ITIH5: variants seen among roughly 807,000 people sequenced by gnomAD.
ITIH5 encodes the protein inter-alpha-trypsin inhibitor heavy chain H5.
ITIH5 carries 65 observed loss-of-function variants against 77.5 expected under a neutral mutation model. That is an observed-to-expected ratio of 0.84 (90% CI 0.69 to 1.03). The LOEUF (loss-of-function observed/expected upper bound fraction) is 1.03. Ranked by LOEUF, ITIH5 falls within the 50% of genes least tolerant of loss-of-function variation. ITIH5 has a pLI of 0.00. For synonymous variants in ITIH5, 525 were observed against 494.3 expected (o/e 1.06, Z -0.82); for missense variants, 1,208 against 1,213.1 (o/e 1.00, Z 0.06).
intron 7 of ITIH5, among the ~76,000 whole-genome samples, chr10:7,612,110 G>C (rs1038592771): frequency 4.6e-5 from 7 of 152,070 alleles, no homozygotes; most frequent in Non-Finnish European, 1.0e-4. Context: ...CCAATTCTAA[G>C]AATCTAATTT....
intron 10 of ITIH5, 48 bp from the exon 11 acceptor site, chr10:7,573,243 T>G: frequency 1.3e-6 from 2 of 1,529,078 alleles, no homozygotes; most frequent in Non-Finnish European, 1.8e-6. Flanking sequence ...TTAAAGAAGA[T>G]GAAGAGAGAG....
chr10:7,625,621 C>T (rs916337470), intron 5 of ITIH5, among the ~76,000 whole-genome samples: 8 of 151,786 alleles, frequency 5.3e-5, no homozygotes, highest in African/African-American at 1.7e-4. Context: ...AAAAATTAGC[C>T]GGGCCTGGTG....
chr10:7,570,643 G>GACA (rs1430547128), intron 11 of ITIH5, among the ~76,000 whole-genome samples: 1 of 152,028 alleles, frequency 6.6e-6, no homozygotes, highest in East Asian at 1.9e-4. Context: ...TTATTTTTGA[G>GACA]ACAGGGTCCC....
intron 8 of ITIH5, among the ~76,000 whole-genome samples, chr10:7,583,402 G>A (rs544745672): frequency 1.8e-4 from 28 of 152,184 alleles, no homozygotes; most frequent in Middle Eastern, 3.4e-3. Context: ...GTGCGATCTC[G>A]GCTCACTACA....
chr10:7,623,895 T>A (rs1243847030), intron 5 of ITIH5, among the ~76,000 whole-genome samples: 1 of 152,050 alleles, frequency 6.6e-6, no homozygotes, highest in Non-Finnish European at 1.5e-5. Context: ...TACGTGAATG[T>A]TTGGTATTTT....
At position 7,566,202 on chromosome 10, in the gene ITIH5, C is replaced by A. The variant is rs61731873; in HGVS notation, c.2355G>T (p.Gly785=). 21,765 of 1,613,914 alleles carry A rather than the reference C, an allele frequency of 0.013. 206 individuals are homozygous for A. The highest frequency in any genetic ancestry group is 0.019 in the Middle Eastern group (116 of 6,058). The change falls in exon 13 of 14, where the codon GGG becomes GGT. Residue 785 remains glycine (G), a synonymous_variant. Coordinates refer to ENST00000397146, the MANE Select transcript of ITIH5 (RefSeq NM_030569.7). ...CGTTGGCAGACACGGACACCTCCAGCCCCCAGCTCCCCACCACCACACTCT... is the reference window on the plus strand; with the variant it reads ...CGTTGGCAGACACGGACACCTCCAGACCCCAGCTCCCCACCACCACACTCT... ...CNQSVVVGSW[G]LEVSVSANAN...
chr10:7,606,184 A>G (rs1833121836), intron 7 of ITIH5, among the ~76,000 whole-genome samples: 1 of 152,248 alleles, frequency 6.6e-6, no homozygotes, highest in Non-Finnish European at 1.5e-5. Flanking sequence ...CACTGTGGAC[A>G]GCAGTCTGGC....
chr10:7,605,022 A>C (rs188185716), intron 7 of ITIH5, among the ~76,000 whole-genome samples: 156 of 152,076 alleles, frequency 1.0e-3, no homozygotes, highest in African/African-American at 3.5e-3. Context: ...AGATTTCACC[A>C]TGTTGCCCAG....
intron 1 of ITIH5, among the ~76,000 whole-genome samples, chr10:7,657,325 G>T (rs1366061291): frequency 6.6e-6 from 1 of 152,100 alleles, no homozygotes; most frequent in East Asian, 1.9e-4. Flanking sequence ...GGAATTACAG[G>T]CATGAGCCAC....
intron 7 of ITIH5, among the ~76,000 whole-genome samples, chr10:7,595,177 C>G (rs1218277594): frequency 6.6e-6 from 1 of 152,066 alleles, no homozygotes; most frequent in African/African-American, 2.4e-5. Context: ...TAGGATCATG[C>G]CACTACACTT....
chr10:7,582,466 T>A (rs61836576), intron 8 of ITIH5, among the ~76,000 whole-genome samples: 7 of 137,370 alleles, frequency 5.1e-5, no homozygotes, highest in East Asian at 2.1e-4. Context: ...GTTTTTTTTT[T>A]AAAATGGCTT....
intron 6 of ITIH5, 48 bp downstream of exon 6, chr10:7,617,065 C>G (rs1010741674): frequency 1.5e-6 from 2 of 1,320,388 alleles, no homozygotes; most frequent in African/African-American, 3.0e-5. Flanking sequence ...ATGAGTCTGT[C>G]CAAAGTACCA....
chr10:7,582,164 G>A (rs1310693401), intron 8 of ITIH5, among the ~76,000 whole-genome samples: 1 of 152,130 alleles, frequency 6.6e-6, no homozygotes, highest in Non-Finnish European at 1.5e-5. Context: ...AGGGGCCACA[G>A]CACCTGGCCC....
Position 7,566,425 on chromosome 10 carries a change from A to T in ITIH5, c.2150-18T>A. On this transcript the variant is annotated intron_variant, in intron 12 of 13. Coordinates refer to ENST00000397146, the MANE Select transcript of ITIH5 (RefSeq NM_030569.7). ...TGTGACACCTCAAAGGCCAAGGGGA[A>T]AAGAAGAAGGTTAGAAAATCTGACC... 1 of 1,577,246 alleles carries T rather than the reference A, an allele frequency of 6.3e-7. No individual in the cohort carries two copies. Among genetic ancestry groups the T allele is most frequent in the Non-Finnish European group, 8.7e-7 (1 of 1,156,016 alleles).
At chr10:7,642,985 C>T (rs530864086) in intron 2 of ITIH5, among the ~76,000 whole-genome samples, 3 of 152,122 alleles carry the variant, frequency 2.0e-5, no homozygotes, top group Admixed American at 6.5e-5. Context: ...GGTGGGGTTG[C>T]GGGGAAGGCA....
intron 11 of ITIH5, chr10:7,571,916 G>C: frequency 1.0e-6 from 1 of 962,886 alleles, no homozygotes; most frequent in African/African-American, 1.8e-5. Context: ...GGGACCCATG[G>C]AGATAGAGGA....
chr10:7,644,377 T>A (rs1291992875), intron 2 of ITIH5, among the ~76,000 whole-genome samples: 1 of 102,608 alleles, frequency 9.7e-6, no homozygotes, highest in Non-Finnish European at 2.1e-5. Context: ...CACATATATA[T>A]CACATATATC....
At position 7,608,061 on chromosome 10, in the gene ITIH5, C is replaced by T. The variant is rs548646029; in HGVS notation, c.939+7921G>A. Among the ~76,000 whole-genome samples the T allele has an allele frequency of 6.6e-5, 10 of 152,312 alleles. No homozygotes were observed. The South Asian group carries it at 1.7e-3, about 25-fold the overall frequency. Reference sequence around the variant, plus strand: ...TTTTATTTGCATGATAGCCACATAGCGCTTGCCTTCTGAGACCCCTTCCCC... The same window carrying T: ...TTTTATTTGCATGATAGCCACATAGTGCTTGCCTTCTGAGACCCCTTCCCC... On this transcript the variant is annotated intron_variant, in intron 7 of 13. Transcript: ENST00000397146.
intron 8 of ITIH5, among the ~76,000 whole-genome samples, chr10:7,585,648 G>A (rs1160024969): frequency 6.6e-6 from 1 of 151,952 alleles, no homozygotes; most frequent in African/African-American, 2.4e-5. Flanking sequence ...GATGAACCAG[G>A]CAAGCCTCCA....
Sources: gnomAD v4.1 joint callset for allele counts (sites outside exome capture counted in the v4.1 genomes callset) on GRCh38, gnomAD v4.1.1 for gene constraint, MANE v1.5 for transcripts, NCBI Gene and HGNC (gene_info 2026-07-23, HGNC 2026-07-21) for gene names.